GSTCD: variants seen among roughly 807,000 people sequenced by gnomAD.
The protein encoded by GSTCD is glutathione S-transferase C-terminal domain-containing protein.
In GSTCD, 44 loss-of-function variants were observed where a neutral mutation model predicts 68.3. That is an observed-to-expected ratio of 0.64 (90% confidence interval 0.51 to 0.83). The LOEUF is 0.83. Among genes scored for constraint, GSTCD ranks in the 40% least tolerant of loss-of-function variants. GSTCD has a pLI of 0.00. For synonymous variants in GSTCD, 273 were observed against 255.2 expected (o/e 1.07, Z -0.67); for missense variants, 739 against 735.9 (o/e 1.00, Z -0.05).
intron 5 of GSTCD, among the ~76,000 whole-genome samples, chr4:105,812,663 T>A (rs1047570959): frequency 9.2e-5 from 14 of 151,958 alleles, no homozygotes; most frequent in Non-Finnish European, 1.5e-4. Flanking sequence ...ATATATATAT[T>A]TTTTTTACTA....
chr4:105,777,878 TATATA>T, intron 5 of GSTCD, among the ~76,000 whole-genome samples: 1 of 152,118 alleles, frequency 6.6e-6, no homozygotes, highest in Non-Finnish European at 1.5e-5. Flanking sequence ...TAATTTTAAT[TATATA>T]TTAACAATCC....
chr4:105,726,158 A>G (rs989783786), intron 3 of GSTCD, among the ~76,000 whole-genome samples: 1 of 152,204 alleles, frequency 6.6e-6, no homozygotes, highest in East Asian at 1.9e-4. Context: ...TGAGTAAGCA[A>G]AATATAGTAT....
In GSTCD at chr4:105,719,272, T is replaced by C. The variant is rs1732783221; in HGVS notation, c.639T>C (p.Thr213=). ...CTGATGGAGTTGGGCCTCCCCTTACTAAGGGAAAGGCAAAGAGCAAGGTCC... is the reference window on the plus strand; with the variant it reads ...CTGATGGAGTTGGGCCTCCCCTTACCAAGGGAAAGGCAAAGAGCAAGGTCC... The part of the protein sequence containing the change: ...QKADGVGPPL[T]KGKAKSKVHT... Residue 213 remains threonine, a synonymous_variant, in exon 3 of 12, where the codon ACT becomes ACC. Transcript: ENST00000515279. 1 of 1,613,902 alleles carries C rather than the reference T, an allele frequency of 6.2e-7. No individual in the cohort carries two copies. The highest frequency in any genetic ancestry group is 1.3e-5 in the African/African-American group (1 of 74,876).
At chr4:105,792,349 AT>A (rs1003110804) in intron 5 of GSTCD, among the ~76,000 whole-genome samples, 1 of 151,986 alleles carries the variant, frequency 6.6e-6, no homozygotes, top group African/African-American at 2.4e-5. Context: ...AGTTTACTTC[AT>A]TTTTTTATAT....
chr4:105,719,179 G>T lies in GSTCD; in HGVS notation c.546G>T (p.Lys182Asn), dbSNP rs763719886. 3 of 1,613,932 alleles carry T rather than the reference G, an allele frequency of 1.9e-6. No individual in the cohort carries two copies. The African/African-American group carries it at 4.0e-5, about 22-fold the overall frequency. Residue 182 changes from lysine to asparagine, a missense_variant, in exon 3 of 12, where the codon AAG (lysine) becomes AAT (asparagine). Coordinates refer to ENST00000515279, the MANE Select transcript of GSTCD (RefSeq NM_001370181.1). The stretch of plus-strand genomic sequence containing the variant: ...TAGAAATACTACAGCTAGAGAAAAA[G>T]CTTAGTGAGCCTGTTAGAGTGCATA... ...IPVEILQLEK[K>N]LSEPVRVHND... is the part of the protein sequence containing the mutation.
chr4:105,751,099 G>T (rs189964717), intron 5 of GSTCD, among the ~76,000 whole-genome samples: 7 of 152,196 alleles, frequency 4.6e-5, no homozygotes, highest in African/African-American at 1.4e-4. Flanking sequence ...GTAAAAACTG[G>T]TGAGAACTCA....
intron 1 of GSTCD, among the ~76,000 whole-genome samples, chr4:105,715,393 C>T (rs758490043): frequency 5.9e-4 from 90 of 152,026 alleles, no homozygotes; most frequent in Admixed American, 1.3e-3. Context: ...AAAATAAGCT[C>T]AGGGAGAAAA....
At chr4:105,721,362 A>G (rs527879658) in intron 3 of GSTCD, among the ~76,000 whole-genome samples, 38 of 152,342 alleles carry the variant, frequency 2.5e-4, no homozygotes, top group African/African-American at 7.2e-4. Flanking sequence ...TTGCATTAAC[A>G]TACATTGAGG....
intron 5 of GSTCD, chr4:105,746,436 G>GA (rs1733804538): frequency 6.6e-6 from 1 of 152,048 alleles, no homozygotes; most frequent in East Asian, 1.9e-4. Context: ...GCGATAAAAG[G>GA]AAAAAATTTA....
intron 5 of GSTCD, among the ~76,000 whole-genome samples, chr4:105,813,457 C>A (rs1331682764): frequency 6.6e-6 from 1 of 152,134 alleles, no homozygotes; most frequent in African/African-American, 2.4e-5. Context: ...CATAAAATTA[C>A]CTTCAGGCTA....
intron 5 of GSTCD, among the ~76,000 whole-genome samples, chr4:105,756,379 T>C (rs1196296453): frequency 2.6e-5 from 4 of 151,952 alleles, no homozygotes; most frequent in Non-Finnish European, 5.9e-5. Flanking sequence ...CTACCCCTTG[T>C]TCAGAAGTCC....
At chr4:105,745,876 G>A (rs1219774509) in intron 5 of GSTCD, among the ~76,000 whole-genome samples, 1 of 152,168 alleles carries the variant, frequency 6.6e-6, no homozygotes, top group African/African-American at 2.4e-5. Flanking sequence ...CATATTTGAT[G>A]TCTTAGAAAT....
At chr4:105,834,996 C>G (rs1578523081) in intron 9 of GSTCD, among the ~76,000 whole-genome samples, 2 of 152,154 alleles carry the variant, frequency 1.3e-5, no homozygotes, top group Admixed American at 1.3e-4. Context: ...TTTTATAAGG[C>G]AAATTACTTA....
At chr4:105,774,546 G>A (rs555190706) in intron 5 of GSTCD, among the ~76,000 whole-genome samples, 30 of 152,262 alleles carry the variant, frequency 2.0e-4, no homozygotes, top group South Asian at 8.3e-4. Context: ...GGCAGGCCTG[G>A]TGGTGACAAA....
At chr4:105,786,427 G>A (rs1005582356) in intron 5 of GSTCD, among the ~76,000 whole-genome samples, 1 of 151,690 alleles carries the variant, frequency 6.6e-6, no homozygotes. Flanking sequence ...CAGGAGAATC[G>A]CTTGGACGCC....
intron 8 of GSTCD, among the ~76,000 whole-genome samples, chr4:105,829,851 A>C (rs1723824072): frequency 1.3e-5 from 2 of 152,202 alleles, no homozygotes; most frequent in Admixed American, 1.3e-4. Context: ...TCAGAGAACA[A>C]GAAAGGACGT....
chr4:105,748,709 G>C (rs1313230670), intron 5 of GSTCD, among the ~76,000 whole-genome samples: 4 of 151,840 alleles, frequency 2.6e-5, no homozygotes, highest in Non-Finnish European at 5.9e-5. Context: ...TATAGAAATT[G>C]AAATAGATAT....
chr4:105,813,010 G>A (rs1401998674), intron 5 of GSTCD, among the ~76,000 whole-genome samples: 2 of 152,040 alleles, frequency 1.3e-5, no homozygotes, highest in Non-Finnish European at 2.9e-5. Flanking sequence ...TACTAATAAA[G>A]GATTTATGTT....
chr4:105,842,121 A>G lies in GSTCD; in HGVS notation c.1752A>G (p.Gln584=), dbSNP rs376493992. 8 of 1,613,642 alleles carry G rather than the reference A, an allele frequency of 5.0e-6. No individual in the cohort carries two copies. The highest frequency in any genetic ancestry group is 1.3e-5 in the African/African-American group (1 of 75,016). ...AGACAGCTGTCCAGCTCCCACCCCA[A>G]CGAAGGCTCATAGGTATGTGTTTTC... ...ADQTAVQLPP[Q]RRLIGKQCMC... is the part of the protein sequence containing the mutation. Residue 584 remains glutamine, a synonymous_variant, in exon 11 of 12, where the codon CAA becomes CAG. Transcript: ENST00000515279.
Sources: allele counts gnomAD v4.1 joint callset (sites outside exome capture counted in the v4.1 genomes callset), GRCh38; gene constraint gnomAD v4.1.1; transcripts MANE v1.5; gene names NCBI Gene and HGNC (gene_info 2026-07-23, HGNC 2026-07-21).